The following IFT122 variants were observed in gnomAD, a reference collection of about 807,000 sequenced individuals.
The protein encoded by IFT122 is intraflagellar transport 122.
In IFT122, 118 loss-of-function variants were observed where a neutral mutation model predicts 161.6. The ratio of observed to expected loss-of-function variants is 0.73; its 90% CI spans 0.63 to 0.85. IFT122 has a LOEUF of 0.85. Among genes scored for constraint, IFT122 ranks in the 40% least tolerant of loss-of-function variants. The probability of loss-of-function intolerance (pLI) is 0.00; values close to 1 mark genes in which losing one functional copy is unlikely to be tolerated. For missense variants in IFT122, 1,381 were observed against 1,579.6 expected, an observed-to-expected ratio of 0.87 and a Z score of 2.13; for synonymous variants, 550 against 602.4, an observed-to-expected ratio of 0.91 and a Z score of 1.27.
At chr3:129,448,247 C>A (rs72986991) in intron 1 of IFT122, among the ~76,000 whole-genome samples, 6,387 of 152,184 alleles carry the variant, frequency 0.042, 400 homozygotes, top group African/African-American at 0.13. Context: ...AGTGAGGTTA[C>A]GAGTAGAAGT....
intron 14 of IFT122, among the ~76,000 whole-genome samples, chr3:129,483,236 T>G (rs1171498211): frequency 6.6e-6 from 1 of 152,160 alleles, no homozygotes; most frequent in Non-Finnish European, 1.5e-5. Flanking sequence ...GGAGAATAAT[T>G]TTTTTTCAAA....
chr3:129,508,587 C>G (rs1388052705), intron 23 of IFT122, among the ~76,000 whole-genome samples: 1 of 152,154 alleles, frequency 6.6e-6, no homozygotes, highest in Non-Finnish European at 1.5e-5. Flanking sequence ...TCAAACACAT[C>G]TTTATTAATT....
intron 3 of IFT122, chr3:129,452,237 C>T: frequency 2.1e-6 from 1 of 485,570 alleles, no homozygotes; most frequent in Non-Finnish European, 3.8e-6. Flanking sequence ...ACGGTGGTCC[C>T]TCCCCTTATG....
intron 1 of IFT122, among the ~76,000 whole-genome samples, chr3:129,442,394 G>A (rs1009797847): frequency 2.6e-5 from 4 of 152,008 alleles, no homozygotes; most frequent in Non-Finnish European, 5.9e-5. Flanking sequence ...ACGAAATACT[G>A]TGGGTAGATG....
rs3774772 is a variant in IFT122, at chr3:129,495,846, A to G, written c.2208+239A>G. Among the ~76,000 whole-genome samples, 744 of 152,294 alleles carry G rather than the reference A, an allele frequency of 4.9e-3. 40 individuals are homozygous for G. The East Asian group carries it at 0.11, about 23-fold the overall frequency. On this transcript the variant is annotated intron_variant, in intron 18 of 29. Coordinates refer to ENST00000348417, the MANE Select transcript of IFT122 (RefSeq NM_052989.3). ...GACTATGGCAGTTCAGACCTTCATC[A>G]GTGACAGGGCTGGATGGCTGTGGGT...
At chr3:129,446,602 C>T (rs535106683) in intron 1 of IFT122, among the ~76,000 whole-genome samples, 1 of 152,294 alleles carries the variant, frequency 6.6e-6, no homozygotes, top group Non-Finnish European at 1.5e-5. Context: ...TCAAGTTGTT[C>T]CATCTTTCTG....
Position 129,481,541 on chromosome 3 carries a change from C to A in IFT122, c.1500C>A (p.Ile500=). ...TGAAATTTTGCCAGATCCTGAAGATCTTCGTGGACAATCTCTTTGCTATCG... is the reference window on the plus strand; with the variant it reads ...TGAAATTTTGCCAGATCCTGAAGATATTCGTGGACAATCTCTTTGCTATCG... ...VGLKNGQILK[I]FVDNLFAIVL... Residue 500 remains isoleucine (I), a synonymous_variant, in exon 14 of 30, where the codon ATC becomes ATA. Transcript: ENST00000348417. The A allele has an allele frequency of 6.3e-7, 1 of 1,578,352 alleles. No homozygotes were observed. Among genetic ancestry groups the A allele is most frequent in the South Asian group, 1.1e-5 (1 of 89,772 alleles).
chr3:129,519,383 C>T lies in IFT122; in HGVS notation c.3472-185C>T, dbSNP rs532514926. Reference sequence around the variant, plus strand: ...GCCCCCGAGGGACCATGGCCAAGGGCGCAGGTCTGTGGACAGGGAGGCAGC... The same window carrying T: ...GCCCCCGAGGGACCATGGCCAAGGGTGCAGGTCTGTGGACAGGGAGGCAGC... On this transcript the variant is annotated intron_variant, in intron 28 of 29. Coordinates refer to ENST00000348417, the MANE Select transcript of IFT122 (RefSeq NM_052989.3). Among the ~76,000 whole-genome samples, 6 of 152,270 alleles carry T rather than the reference C, an allele frequency of 3.9e-5. No homozygotes were observed. The South Asian group carries it at 6.2e-4, about 16-fold the overall frequency.
At chr3:129,461,025 A>C (rs1399690938) in intron 4 of IFT122, 1 of 1,146,430 alleles carries the variant, frequency 8.7e-7, no homozygotes, top group East Asian at 2.4e-5. Context: ...CCATCTCTAC[A>C]AATAAGAAAA....
intron 11 of IFT122, among the ~76,000 whole-genome samples, chr3:129,477,668 G>A (rs1240412230): frequency 6.6e-6 from 1 of 152,212 alleles, no homozygotes. Context: ...GGTGGGCAGG[G>A]AGCGGCCAGA....
chr3:129,519,193 G>A lies in IFT122; in HGVS notation c.3471+7G>A, dbSNP rs202002444. 6.2e-7 allele frequency: 1 copy of A among 1,612,944 alleles called. No individual in the cohort carries two copies. Among genetic ancestry groups the A allele is most frequent in the Non-Finnish European group, 8.5e-7 (1 of 1,179,156 alleles). On this transcript the variant is annotated splice_region_variant and intron_variant, in intron 28 of 29. Transcript: ENST00000348417. ...AGCTAAGCTGAGCTTTGAGGTGAGG[G>A]TGCCTCTCTGGGTGACCTGCAGGAG...
At chr3:129,452,917 G>A (rs749994328) in intron 3 of IFT122, among the ~76,000 whole-genome samples, 1 of 152,138 alleles carries the variant, frequency 6.6e-6, no homozygotes, top group Non-Finnish European at 1.5e-5. Flanking sequence ...TGGATATAAT[G>A]GGAGGGTGGA....
At chr3:129,514,027 C>T (rs528152524) in intron 24 of IFT122, 1 of 376,444 alleles carries the variant, frequency 2.7e-6, no homozygotes, top group Non-Finnish European at 5.2e-6. Context: ...AGGGTGAGAG[C>T]AGAGTGCCCT....
At chr3:129,456,811 G>A (rs565778639) in intron 3 of IFT122, among the ~76,000 whole-genome samples, 3 of 152,338 alleles carry the variant, frequency 2.0e-5, no homozygotes, top group African/African-American at 7.2e-5. Flanking sequence ...AGCTACTCGG[G>A]AGGCTGAGGC....
chr3:129,487,266 A>G (rs1577746266), intron 15 of IFT122, among the ~76,000 whole-genome samples: 1 of 152,346 alleles, frequency 6.6e-6, no homozygotes, highest in Non-Finnish European at 1.5e-5. Context: ...CTCAAGACTC[A>G]TTCTCAGGCC....
intron 9 of IFT122, among the ~76,000 whole-genome samples, chr3:129,475,850 A>G (rs946005015): frequency 6.6e-6 from 1 of 152,192 alleles, no homozygotes; most frequent in African/African-American, 2.4e-5. Context: ...GAGAAGTAGT[A>G]TGGGTGTAGT....
At chr3:129,517,421 C>T in intron 26 of IFT122, 48 bp from the exon 27 acceptor site, 2 of 1,609,028 alleles carry the variant, frequency 1.2e-6, no homozygotes, top group Non-Finnish European at 1.7e-6. Flanking sequence ...GGCGGCAAGT[C>T]CTTTGCAAGG....
intron 9 of IFT122, among the ~76,000 whole-genome samples, chr3:129,473,027 A>G (rs2077526362): frequency 6.6e-6 from 1 of 152,198 alleles, no homozygotes; most frequent in Admixed American, 6.5e-5. Flanking sequence ...GCAGCTGGGC[A>G]TGGTGGCTCA....
At chr3:129,506,370 A>G (rs775040762) in intron 21 of IFT122, 39 bp from the exon 22 acceptor site, 14 of 1,609,364 alleles carry the variant, frequency 8.7e-6, no homozygotes, top group Non-Finnish European at 1.2e-5. Flanking sequence ...GACTTCCTAA[A>G]TAGCATGTGC....
Sources: allele counts gnomAD v4.1 joint callset (sites outside exome capture counted in the v4.1 genomes callset), GRCh38; gene constraint gnomAD v4.1.1; transcripts MANE v1.5; gene names NCBI Gene and HGNC (gene_info 2026-07-23, HGNC 2026-07-21).